CUTC: variants seen among roughly 807,000 people sequenced by gnomAD.
The protein encoded by CUTC is cutC copper transporter.
A neutral mutation model predicts 36.2 loss-of-function variants in CUTC; 27 were observed. The ratio of observed to expected loss-of-function variants is 0.75; its 90% CI spans 0.55 to 1.03. CUTC has a LOEUF of 1.03. Among genes scored for constraint, CUTC ranks in the 50% least tolerant of loss-of-function variants. CUTC has a pLI of 0.00. For missense variants in CUTC, 315 were observed against 343.5 expected, an observed-to-expected ratio of 0.92 and a Z score of 0.66; for synonymous variants, 114 against 118.3, an observed-to-expected ratio of 0.96 and a Z score of 0.24.
At chr10:99,747,530 A>G in intron 6 of CUTC, 140 bp downstream of exon 6, 1 of 870,280 alleles carries the variant, frequency 1.1e-6, no homozygotes. Context: ...AATAATGTAT[A>G]TAATTCTTAT....
chr10:99,733,772 A>G (rs1332883933), intron 1 of CUTC, among the ~76,000 whole-genome samples: 5 of 152,214 alleles, frequency 3.3e-5, no homozygotes. Context: ...GGACTACTAC[A>G]CTTTGAGAAC....
At chr10:99,742,884 A>G (rs2037351060) in intron 3 of CUTC, among the ~76,000 whole-genome samples, 1 of 152,342 alleles carries the variant, frequency 6.6e-6, no homozygotes, top group African/African-American at 2.4e-5. Context: ...TAGTTATTGC[A>G]CTTTCAAATG....
At chr10:99,735,005 G>A (rs1047965489) in intron 1 of CUTC, among the ~76,000 whole-genome samples, 2 of 151,144 alleles carry the variant, frequency 1.3e-5, no homozygotes, top group Admixed American at 6.6e-5. Context: ...AGGAGGCTGA[G>A]GCACAAGAAT....
intron 7 of CUTC, among the ~76,000 whole-genome samples, chr10:99,753,908 A>T (rs2037436978): frequency 6.6e-6 from 1 of 152,220 alleles, no homozygotes; most frequent in African/African-American, 2.4e-5. Context: ...CTAATTTCAT[A>T]TTTATGATAC....
At position 99,732,674 on chromosome 10, in the gene CUTC, G is replaced by C. The variant is rs2037227565; in HGVS notation, c.61+265G>C. The C allele has an allele frequency of 6.0e-6, 8 of 1,339,896 alleles. No homozygotes were observed. The East Asian group carries it at 2.3e-4, about 39-fold the overall frequency. 83.0% of individuals were successfully genotyped at this position (1,339,896 alleles called of 1,614,324 possible). ...CGGCCCTGCGACCTTGTGCAAGTTG[G>C]TTAACTTCAGCTTCACGTTTTTTCC... On this transcript the variant is annotated intron_variant, in intron 1 of 8. Transcript: ENST00000370476.
At position 99,750,350 on chromosome 10, in the gene CUTC, T is replaced by C. The variant is rs1018824005; in HGVS notation, c.574-19T>C. On this transcript the variant is annotated intron_variant, in intron 6 of 8. Coordinates refer to ENST00000370476, the MANE Select transcript of CUTC (RefSeq NM_015960.3). The stretch of plus-strand genomic sequence containing the variant: ...AGAAAGATATTAAAATTCACTTGTT[T>C]TTTTTTTTCTTTTTTCAGGCAAAAG... The C allele has an allele frequency of 3.8e-6, 6 of 1,576,818 alleles. No individual in the cohort carries two copies. In the East Asian group the frequency reaches 1.1e-4, roughly 30 times the overall value.
intron 1 of CUTC, among the ~76,000 whole-genome samples, chr10:99,733,528 C>CT (rs1283103231): frequency 3.3e-5 from 5 of 151,582 alleles, no homozygotes; most frequent in African/African-American, 1.2e-4. Flanking sequence ...TTCATTCAGT[C>CT]TAACATGTCA....
chr10:99,753,039 G>C (rs963871597), intron 7 of CUTC, among the ~76,000 whole-genome samples: 4 of 152,094 alleles, frequency 2.6e-5, no homozygotes, highest in Admixed American at 2.6e-4. Context: ...ACATATTTAG[G>C]CTCTGGTTTC....
At position 99,755,800 on chromosome 10, in the gene CUTC, C is replaced by A; in HGVS notation, c.*61C>A. ...GAAGGTAGAACTATAATCTGCAATT[C>A]TCTATGACACAGCTTTAACCTTCTT... is the stretch of plus-strand genomic sequence containing the variant. On this transcript the variant is annotated 3_prime_UTR_variant, in exon 9 of 9. Coordinates refer to ENST00000370476, the MANE Select transcript of CUTC (RefSeq NM_015960.3). The A allele has an allele frequency of 9.3e-7, 1 of 1,071,434 alleles. No individual in the cohort carries two copies. The highest frequency in any genetic ancestry group is 1.4e-6 in the Non-Finnish European group (1 of 699,282). The allele number at this position is 1,071,434 out of a possible 1,614,324, so 66.4% of individuals were successfully genotyped here.
chr10:99,750,406 T>A lies in CUTC; in HGVS notation c.601+10T>A. ...ATTGTGGTAATGCCAGGTATTTATT[T>A]ATCTATCAATTCACTAGCATAACAC... On this transcript the variant is annotated intron_variant, in intron 7 of 8. Coordinates refer to ENST00000370476, the MANE Select transcript of CUTC (RefSeq NM_015960.3). 6.3e-7 allele frequency: 1 copy of A among 1,588,428 alleles called. No homozygotes were observed. The highest frequency in any genetic ancestry group is 8.5e-7 in the Non-Finnish European group (1 of 1,171,738).
At chr10:99,753,524 C>T (rs928788196) in intron 7 of CUTC, among the ~76,000 whole-genome samples, 2 of 152,180 alleles carry the variant, frequency 1.3e-5, no homozygotes, top group Admixed American at 6.5e-5. Context: ...ATCCTCTTAC[C>T]TCAGCCTCTT....
At chr10:99,754,459 G>A in intron 7 of CUTC, 70 bp from the exon 8 acceptor site, 2 of 1,018,328 alleles carry the variant, frequency 2.0e-6, no homozygotes, top group Non-Finnish European at 3.0e-6. Flanking sequence ...AAAGTAAGCA[G>A]TCGTTACTAT....
chr10:99,738,623 G>A (rs1422563527), intron 2 of CUTC, among the ~76,000 whole-genome samples: 2 of 152,028 alleles, frequency 1.3e-5, no homozygotes, highest in East Asian at 1.9e-4. Flanking sequence ...GTGTGATATC[G>A]TTTAACATAG....
intron 7 of CUTC, 114 bp from the exon 8 acceptor site, chr10:99,754,415 A>C: frequency 1.4e-6 from 1 of 722,930 alleles, no homozygotes; most frequent in Non-Finnish European, 2.4e-6. Flanking sequence ...CTAATTTTTG[A>C]ATCAATGAGA....
Position 99,732,317 on chromosome 10 carries a change from C to G in CUTC, c.-32C>G. On this transcript the variant is annotated 5_prime_UTR_variant, in exon 1 of 9. Transcript: ENST00000370476. ...CCGGAGCCCAAATTCCAAGTGGAAACTGCAGGCGCACGAGGGAGGAACGCG... is the reference window on the plus strand; with the variant it reads ...CCGGAGCCCAAATTCCAAGTGGAAAGTGCAGGCGCACGAGGGAGGAACGCG... The G allele has an allele frequency of 1.3e-6, 2 of 1,550,730 alleles. No homozygotes were observed. The highest frequency in any genetic ancestry group is 1.2e-5 in the South Asian group (1 of 84,040).
chr10:99,747,211 G>T (rs199988490), intron 5 of CUTC, 46 bp from the exon 6 acceptor site: 2 of 1,605,334 alleles, frequency 1.2e-6, no homozygotes, highest in African/African-American at 2.7e-5. Context: ...GAAACTCTGC[G>T]TTAGAGATAC....
intron 4 of CUTC, among the ~76,000 whole-genome samples, chr10:99,743,753 AC>A (rs1160927533): frequency 6.6e-6 from 1 of 152,182 alleles, no homozygotes; most frequent in African/African-American, 2.4e-5. Context: ...TTATTGAATG[AC>A]CTCAGAGGGA....
intron 7 of CUTC, among the ~76,000 whole-genome samples, chr10:99,751,262 A>G (rs2037414514): frequency 1.8e-5 from 1 of 55,146 alleles, no homozygotes; most frequent in Admixed American, 1.6e-4. Context: ...TTAATACTCA[A>G]CTTTCTCCAA....
At chr10:99,738,389 GGTGTGTGTGTGT>G (rs10693937) in intron 2 of CUTC, among the ~76,000 whole-genome samples, 25 of 142,962 alleles carry the variant, frequency 1.7e-4, no homozygotes, top group East Asian at 1.0e-3. Flanking sequence ...ACTCATACAG[GGTGTGTGTGTGT>G]GTGTGTGTGT....
Sources: allele counts gnomAD v4.1 joint callset (sites outside exome capture counted in the v4.1 genomes callset), GRCh38; gene constraint gnomAD v4.1.1; transcripts MANE v1.5; gene names NCBI Gene and HGNC (gene_info 2026-07-23, HGNC 2026-07-21).